PARVB: variants seen among roughly 807,000 people sequenced by gnomAD.
The protein encoded by PARVB is parvin beta.
Under a neutral mutation model 47.0 loss-of-function variants are expected in PARVB, and 46 were observed. That is an observed-to-expected ratio of 0.98 (90% CI 0.77 to 1.25). The LOEUF (loss-of-function observed/expected upper bound fraction) is 1.25. Among genes scored for constraint, PARVB ranks in the 50% most tolerant of loss-of-function variants. PARVB has a pLI of 0.00. For synonymous variants in PARVB, 196 were observed against 196.3 expected (o/e 1.00, Z 0.01); for missense variants, 473 against 471.6 (o/e 1.00, Z -0.03).
At chr22:44,065,001 A>G (rs2051491089) in intron 1 of PARVB, among the ~76,000 whole-genome samples, 1 of 152,218 alleles carries the variant, frequency 6.6e-6, no homozygotes, top group African/African-American at 2.4e-5. Flanking sequence ...GTTTTTGTGA[A>G]GAAAGGAAAG....
chr22:44,154,950 TGTGTGTGGTTTTTGTAGTCTGTGTG>T (rs2053895440), intron 10 of PARVB, among the ~76,000 whole-genome samples: 1 of 144,190 alleles, frequency 6.9e-6, no homozygotes, highest in African/African-American at 2.7e-5. Flanking sequence ...TGTGTGTGTG[TGTGTGTGGTTTTTGTAGTCTGTGTG>T]GTGTGTGTGT....
At chr22:44,153,868 G>A (rs1245286370) in intron 10 of PARVB, among the ~76,000 whole-genome samples, 5 of 152,170 alleles carry the variant, frequency 3.3e-5, no homozygotes, top group Non-Finnish European at 7.3e-5. Flanking sequence ...AGTGCCTCAC[G>A]ACTGGATGTT....
intron 1 of PARVB, among the ~76,000 whole-genome samples, chr22:44,055,658 C>T: frequency 1.1e-5 from 1 of 88,310 alleles, no homozygotes. Flanking sequence ...CTCTATCCAT[C>T]TCTCTCTCTC....
chr22:44,030,697 G>A lies in PARVB; in HGVS notation c.112+6246G>A, dbSNP rs530068780. 4.6e-5 allele frequency among the ~76,000 whole-genome samples: 7 copies of A among 152,240 alleles called. No homozygotes were observed. The South Asian group carries it at 1.0e-3, about 23-fold the overall frequency. On this transcript the variant is annotated intron_variant, in intron 1 of 12. Transcript: ENST00000338758. Reference sequence around the variant, plus strand: ...TGTGATTTCCACGCTGTTTTCTAGCGGGCTGCAGCCCCTCTGATGCTGAAA... The same window carrying A: ...TGTGATTTCCACGCTGTTTTCTAGCAGGCTGCAGCCCCTCTGATGCTGAAA...
intron 2 of PARVB, among the ~76,000 whole-genome samples, chr22:44,097,216 C>T (rs2052329305): frequency 6.6e-6 from 1 of 152,186 alleles, no homozygotes; most frequent in Non-Finnish European, 1.5e-5. Flanking sequence ...CCCTGGAGTC[C>T]TGTTCCTCAA....
chr22:44,088,660 C>T (rs2052089869), intron 1 of PARVB, among the ~76,000 whole-genome samples: 1 of 152,106 alleles, frequency 6.6e-6, no homozygotes, highest in Non-Finnish European at 1.5e-5. Flanking sequence ...TTAGTAGAGA[C>T]AGGGTTTCAT....
chr22:44,172,400 C>G lies in PARVB; in HGVS notation c.*3722C>G, dbSNP rs2054277578. 1 of 153,490 alleles carries G rather than the reference C, an allele frequency of 6.5e-6. No homozygotes were observed. Among genetic ancestry groups the G allele is most frequent in the Non-Finnish European group, 1.5e-5 (1 of 68,842 alleles). 9.5% of individuals were successfully genotyped at this position (153,490 alleles called of 1,614,324 possible). A position where few individuals can be genotyped will look rare whatever the true frequency, so the allele number is the denominator to read the frequency against. The stretch of plus-strand genomic sequence containing the variant: ...TGAAAGCAAGGCCAAGTATGTCCAC[C>G]CATGGGGACAAACGTCCCAGCACAA... On this transcript the variant is annotated 3_prime_UTR_variant, in exon 13 of 13. Coordinates refer to ENST00000338758, the MANE Select transcript of PARVB (RefSeq NM_013327.5).
intron 1 of PARVB, among the ~76,000 whole-genome samples, chr22:44,053,430 C>T (rs9614316): frequency 1.3e-5 from 2 of 152,052 alleles, no homozygotes; most frequent in African/African-American, 4.8e-5. Context: ...TTAAAGGATT[C>T]GGCTGCTGCT....
chr22:44,077,851 T>C (rs1011627170), intron 1 of PARVB, among the ~76,000 whole-genome samples: 2 of 152,048 alleles, frequency 1.3e-5, no homozygotes, highest in Admixed American at 1.3e-4. Context: ...GCACCTACCA[T>C]GACACTCGGC....
intron 10 of PARVB, chr22:44,151,862 G>A (rs1024405877): frequency 3.3e-6 from 1 of 303,884 alleles, no homozygotes; most frequent in African/African-American, 2.1e-5. Flanking sequence ...TGTGAGGGAG[G>A]AGCTGTTCCT....
At chr22:44,159,736 C>A (rs2054012208) in intron 11 of PARVB, among the ~76,000 whole-genome samples, 1 of 152,160 alleles carries the variant, frequency 6.6e-6, no homozygotes, top group Non-Finnish European at 1.5e-5. Flanking sequence ...CTTCGTGAAT[C>A]CTGGACAGGT....
chr22:44,035,657 C>T (rs929079185), intron 1 of PARVB, among the ~76,000 whole-genome samples: 1 of 152,100 alleles, frequency 6.6e-6, no homozygotes, highest in African/African-American at 2.4e-5. Context: ...GGGTGTGAGC[C>T]ACCGCGCCCG....
chr22:44,087,512 G>A (rs537695654), intron 1 of PARVB, among the ~76,000 whole-genome samples: 3 of 152,238 alleles, frequency 2.0e-5, no homozygotes, highest in African/African-American at 7.2e-5. Context: ...TTCTGCTAGT[G>A]GAGCAAGAAG....
At chr22:44,023,537 C>CAAAACAAAACTAAAATAAAAT (rs1416034853), upstream of PARVB, among the ~76,000 whole-genome samples, 8 of 127,394 alleles carry the variant, frequency 6.3e-5, no homozygotes, top group African/African-American at 1.8e-4. Context: ...TAAAACAAAA[C>CAAAACAAAACTAAAATAAAAT]AAAATAAAAT....
At chr22:44,122,542 G>T (rs1004014969) in intron 4 of PARVB, among the ~76,000 whole-genome samples, 1 of 105,610 alleles carries the variant, frequency 9.5e-6, no homozygotes, top group African/African-American at 5.0e-5. Context: ...GAGAGAGAGA[G>T]AGAGAGAGAG....
intron 6 of PARVB, among the ~76,000 whole-genome samples, chr22:44,134,880 C>G (rs898231099): frequency 6.6e-6 from 1 of 152,224 alleles, no homozygotes; most frequent in African/African-American, 2.4e-5. Flanking sequence ...TGTAAAACAT[C>G]CAGCTTCATG....
At chr22:44,163,195 C>T (rs1009434371) in intron 11 of PARVB, among the ~76,000 whole-genome samples, 3 of 152,182 alleles carry the variant, frequency 2.0e-5, no homozygotes, top group South Asian at 2.1e-4. Context: ...GTGGGCCAGG[C>T]GCAGCGGCTC....
At chr22:44,152,453 G>C (rs573066103) in intron 10 of PARVB, 6 of 152,236 alleles carry the variant, frequency 3.9e-5, no homozygotes, top group African/African-American at 1.4e-4. Flanking sequence ...CAAAACACCT[G>C]AGTGGTGTTA....
intron 1 of PARVB, among the ~76,000 whole-genome samples, chr22:44,055,864 T>C (rs896783479): frequency 1.3e-5 from 2 of 152,266 alleles, no homozygotes; most frequent in African/African-American, 4.8e-5. Context: ...TATTCAGGTG[T>C]CAAATGGATT....
Sources: gnomAD v4.1 joint callset for allele counts (sites outside exome capture counted in the v4.1 genomes callset) on GRCh38, gnomAD v4.1.1 for gene constraint, MANE v1.5 for transcripts, NCBI Gene and HGNC (gene_info 2026-07-23, HGNC 2026-07-21) for gene names.